GPM6B: variants seen among roughly 807,000 people sequenced by gnomAD.
The protein encoded by GPM6B is glycoprotein M6B, also known as neuronal membrane glycoprotein M6-b.
In GPM6B, 4 loss-of-function variants were observed where a neutral mutation model predicts 27.2. The ratio of observed to expected loss-of-function variants is 0.15; its 90% CI spans 0.07 to 0.34. The LOEUF is 0.34. Among genes scored for constraint, GPM6B ranks in the 10% least tolerant of loss-of-function variants. The pLI is 1.00. For synonymous variants in GPM6B, 124 were observed against 103.1 expected (o/e 1.20, Z -1.23); for missense variants, 183 against 261.9 (o/e 0.70, Z 2.08).
chrX:13,771,747 GTTTC>G lies in GPM6B; in HGVS notation c.*1130_*1133del, dbSNP rs2048302709. 1 of 112,300 alleles carries G rather than the reference GTTTC, an allele frequency of 8.9e-6. No homozygotes were observed. The highest frequency in any genetic ancestry group is 9.5e-5 in the Admixed American group (1 of 10,550). 9.3% of individuals were successfully genotyped at this position (112,300 alleles called of 1,213,427 possible). A position where few individuals can be genotyped will look rare whatever the true frequency, so the allele number is the denominator to read the frequency against. Reference sequence around the variant, plus strand: ...TGGAACACAATAATGTAAAAGGCAAGTTTCTTTTGAAAATGGCTTAAACTCAAGC... The same window carrying G: ...TGGAACACAATAATGTAAAAGGCAAGTTTTGAAAATGGCTTAAACTCAAGC... On this transcript the variant is annotated 3_prime_UTR_variant, in exon 8 of 8. Coordinates refer to ENST00000316715, the MANE Select transcript of GPM6B (RefSeq NM_001001995.3).
intron 1 of GPM6B, among the ~76,000 whole-genome samples, chrX:13,886,630 C>A (rs140943088): frequency 0.037 from 3,772 of 102,697 alleles, 206 homozygotes; most frequent in African/African-American, 0.13. Flanking sequence ...ATGGTCACTT[C>A]CCCAGCCCTG....
intron 1 of GPM6B, among the ~76,000 whole-genome samples, chrX:13,902,271 C>G (rs982631371): frequency 9.0e-6 from 1 of 111,090 alleles, no homozygotes; most frequent in Non-Finnish European, 1.9e-5. Context: ...CTTAAATACA[C>G]GAATGTTTAC....
rs2048330183 is a variant in GPM6B, at chrX:13,773,097, G to T, written c.838-67C>A. The T allele has an allele frequency of 4.0e-6, 4 of 999,053 alleles. No individual in the cohort carries two copies. The Admixed American group carries it at 7.1e-5, about 18-fold the overall frequency. The allele number at this position is 999,053 out of a possible 1,213,427, so 82.3% of individuals were successfully genotyped here. A position where few individuals can be genotyped will look rare whatever the true frequency, so the allele number is the denominator to read the frequency against. On this transcript the variant is annotated intron_variant, in intron 7 of 7. Transcript: ENST00000316715. ...AGAAGGCAAAGCGAGGCGCTAGTTAGATTAGACAGACTTGACTTTAAAGGG... is the reference window on the plus strand; with the variant it reads ...AGAAGGCAAAGCGAGGCGCTAGTTATATTAGACAGACTTGACTTTAAAGGG...
chrX:13,924,858 A>G (rs1056938309), intron 1 of GPM6B, among the ~76,000 whole-genome samples: 44 of 111,925 alleles, frequency 3.9e-4, no homozygotes, highest in African/African-American at 1.2e-3. Flanking sequence ...GTGGTATGTT[A>G]CCCACTAGCT....
intron 2 of GPM6B, among the ~76,000 whole-genome samples, chrX:13,796,984 G>C (rs2048828117): frequency 8.9e-6 from 1 of 112,508 alleles, no homozygotes; most frequent in Non-Finnish European, 1.9e-5. Context: ...TGGAGAGTAG[G>C]GGAAGCCAGC....
At chrX:13,781,706 A>C (rs756161108) in intron 4 of GPM6B, among the ~76,000 whole-genome samples, 271 of 111,540 alleles carry the variant, frequency 2.4e-3, no homozygotes, top group Non-Finnish European at 4.3e-3. Context: ...AGTTGTCCCC[A>C]CCTTTCTGGA....
At chrX:13,831,646 T>C (rs1164237027) in intron 1 of GPM6B, among the ~76,000 whole-genome samples, 1 of 111,482 alleles carries the variant, frequency 9.0e-6, no homozygotes, top group African/African-American at 3.3e-5. Context: ...TGGATTCCAC[T>C]GGGCTCCTGG....
chrX:13,922,818 T>G (rs1201826473), intron 1 of GPM6B, among the ~76,000 whole-genome samples: 1 of 112,251 alleles, frequency 8.9e-6, no homozygotes, highest in African/African-American at 3.2e-5. Context: ...CAGAAACATA[T>G]GACAAAAGAA....
intron 1 of GPM6B, among the ~76,000 whole-genome samples, chrX:13,866,589 G>A (rs918893437): frequency 1.8e-5 from 2 of 111,564 alleles, no homozygotes; most frequent in Non-Finnish European, 1.9e-5. Context: ...TTAATGTACA[G>A]AAATATCACA....
At chrX:13,786,695 A>G (rs968676622) in intron 2 of GPM6B, among the ~76,000 whole-genome samples, 68 of 111,138 alleles carry the variant, frequency 6.1e-4, no homozygotes, top group African/African-American at 2.2e-3. Flanking sequence ...ACCAAAATGA[A>G]CATCCATGAA....
Position 13,786,755 on chromosome X carries a change from G to A in GPM6B, c.182-947C>T, listed in dbSNP as rs368319124. Among the ~76,000 whole-genome samples the A allele has an allele frequency of 1.1e-4, 12 of 111,357 alleles. No homozygotes were observed. In the East Asian group the frequency reaches 3.1e-3, roughly 29 times the overall value. On this transcript the variant is annotated intron_variant, in intron 2 of 7. Coordinates refer to ENST00000316715, the MANE Select transcript of GPM6B (RefSeq NM_001001995.3). ...AAGTCACTCTTAATCTTGAAAAGAC[G>A]AGACTTGTATTCATTTTTAAAATAA...
At chrX:13,869,834 C>G (rs1356690573) in intron 1 of GPM6B, among the ~76,000 whole-genome samples, 1 of 112,004 alleles carries the variant, frequency 8.9e-6, no homozygotes, top group African/African-American at 3.2e-5. Context: ...TTAGCCTTGG[C>G]ACAATGCTGT....
chrX:13,847,199 T>C (rs764271727), intron 1 of GPM6B, among the ~76,000 whole-genome samples: 1 of 111,845 alleles, frequency 8.9e-6, no homozygotes, highest in African/African-American at 3.2e-5. Context: ...ACACACCAAC[T>C]GCTGCCCAAG....
intron 1 of GPM6B, among the ~76,000 whole-genome samples, chrX:13,843,265 T>C (rs1328760876): frequency 9.1e-6 from 1 of 109,320 alleles, no homozygotes; most frequent in Non-Finnish European, 1.9e-5. Context: ...CTGTAGCATG[T>C]GTTAGTATTT....
chrX:13,817,322 TC>T, upstream of GPM6B: 1 of 753,769 alleles, frequency 1.3e-6, no homozygotes, highest in Non-Finnish European at 1.6e-6. Context: ...TCTCTCTCTT[TC>T]TCCCCACCTC....
intron 1 of GPM6B, among the ~76,000 whole-genome samples, chrX:13,901,844 T>C (rs781542937): frequency 2.7e-5 from 3 of 112,070 alleles, no homozygotes; most frequent in Admixed American, 1.9e-4. Context: ...AAGAAAGAGA[T>C]GCTTTGAAAT....
At chrX:13,926,107 C>CAG (rs1252873027) in intron 1 of GPM6B, among the ~76,000 whole-genome samples, 1 of 104,231 alleles carries the variant, frequency 9.6e-6, no homozygotes, top group East Asian at 3.1e-4. Context: ...AAAATCCTGA[C>CAG]AGGTATGTTT....
chrX:13,860,240 T>A (rs181232858), intron 1 of GPM6B, among the ~76,000 whole-genome samples: 161 of 112,357 alleles, frequency 1.4e-3, no homozygotes, highest in African/African-American at 4.9e-3. Flanking sequence ...CTTTGAGATA[T>A]TTTAGTTTTG....
At chrX:13,799,190 A>ACTTTTT (rs2048871469) in intron 2 of GPM6B, among the ~76,000 whole-genome samples, 1 of 35,957 alleles carries the variant, frequency 2.8e-5, no homozygotes, top group Non-Finnish European at 4.7e-5. Flanking sequence ...AGCCAACCTA[A>ACTTTTT]TTTTTTTTTT....
Sources: allele counts gnomAD v4.1 joint callset (sites outside exome capture counted in the v4.1 genomes callset), GRCh38; gene constraint gnomAD v4.1.1; transcripts MANE v1.5; gene names NCBI Gene and HGNC (gene_info 2026-07-23, HGNC 2026-07-21).